Variants in SLC68A1 observed in about 807,000 individuals in gnomAD.
The protein encoded by SLC68A1 is solute carrier family 68 member 1.
At chr10:102,473,403 A>G in the SLC68A1 span, among the ~76,000 whole-genome samples, 1 of 152,120 alleles carries the variant, frequency 6.6e-6, no homozygotes, top group Non-Finnish European at 1.5e-5. Context: ...GGATGATAAT[A>G]GTACTCACCT....
the SLC68A1 span, among the ~76,000 whole-genome samples, chr10:102,466,872 C>T: frequency 6.6e-6 from 1 of 152,186 alleles, no homozygotes; most frequent in Non-Finnish European, 1.5e-5. Context: ...GTGACAGAGG[C>T]GGACATTGTG....
the SLC68A1 span, among the ~76,000 whole-genome samples, chr10:102,472,437 T>C: frequency 2.6e-5 from 4 of 152,150 alleles, no homozygotes; most frequent in Non-Finnish European, 4.4e-5. Flanking sequence ...TAAGTTTTTA[T>C]ATTTTTAGTA....
the SLC68A1 span, chr10:102,468,775 T>A: frequency 5.2e-6 from 2 of 381,280 alleles, no homozygotes; most frequent in Non-Finnish European, 9.6e-6. Context: ...CTCGAGTCAC[T>A]CCCAGATTAG....
At chr10:102,475,705 G>T in the SLC68A1 span, 1 of 1,567,248 alleles carries the variant, frequency 6.4e-7, no homozygotes, top group Non-Finnish European at 8.7e-7. Flanking sequence ...TGGTCTTTCT[G>T]TGCTCTCTTG....
chr10:102,476,842 T>C, the SLC68A1 span: 1 of 985,598 alleles, frequency 1.0e-6, no homozygotes, highest in Non-Finnish European at 1.2e-6. Context: ...ACTGCTCCCT[T>C]TTGCCCAGTC....
the SLC68A1 span, among the ~76,000 whole-genome samples, chr10:102,470,385 C>T: frequency 2.0e-5 from 3 of 152,098 alleles, no homozygotes; most frequent in Non-Finnish European, 2.9e-5. Context: ...TGCTTGAGCC[C>T]GTCATCACCC....
chr10:102,476,075 GTTTTT>G, the SLC68A1 span: 36 of 1,112,506 alleles, frequency 3.2e-5, no homozygotes, highest in Admixed American at 1.2e-4. Flanking sequence ...GGATTTCATA[GTTTTT>G]TTTTTTTTTT....
At chr10:102,473,819 C>A in the SLC68A1 span, 1 of 1,609,192 alleles carries the variant, frequency 6.2e-7, no homozygotes, top group African/African-American at 1.3e-5. Context: ...TCTACTGCAG[C>A]AACCGCGTCT....
At chr10:102,474,939 C>T in the SLC68A1 span, among the ~76,000 whole-genome samples, 3 of 151,864 alleles carry the variant, frequency 2.0e-5, no homozygotes, top group Admixed American at 6.6e-5. Context: ...TGAGCCACCA[C>T]GCCCGGCCAG....
chr10:102,476,967 G>A, the SLC68A1 span: 1 of 985,966 alleles, frequency 1.0e-6, no homozygotes, highest in Non-Finnish European at 1.2e-6. Flanking sequence ...CTGCTGCAGG[G>A]CTCCCCCACC....
At chr10:102,463,724 T>A in the SLC68A1 span, among the ~76,000 whole-genome samples, 6 of 152,186 alleles carry the variant, frequency 3.9e-5, no homozygotes, top group African/African-American at 1.4e-4. Context: ...GGGCCTGTTA[T>A]TTAATCTTCA....
chr10:102,469,297 A>T, the SLC68A1 span: 1 of 1,227,062 alleles, frequency 8.1e-7, no homozygotes, highest in Non-Finnish European at 1.2e-6. Flanking sequence ...GGTCCCACCC[A>T]GTCAGAGGCC....
At chr10:102,464,582 G>C in the SLC68A1 span, among the ~76,000 whole-genome samples, 1 of 151,766 alleles carries the variant, frequency 6.6e-6, no homozygotes, top group Admixed American at 6.6e-5. Context: ...ACAAGGTCAG[G>C]AGTTCAAGAC....
the SLC68A1 span, chr10:102,469,708 G>A: frequency 2.5e-5 from 7 of 284,908 alleles, no homozygotes; most frequent in African/African-American, 6.8e-5. Context: ...CACCACGCCC[G>A]GCTAATTTTT....
chr10:102,476,872 T>A, the SLC68A1 span: 1 of 985,552 alleles, frequency 1.0e-6, no homozygotes, highest in Non-Finnish European at 1.2e-6. Flanking sequence ...TGACTGTAAG[T>A]CCCACCTCCC....
chr10:102,467,994 G>A, the SLC68A1 span, among the ~76,000 whole-genome samples: 1 of 151,352 alleles, frequency 6.6e-6, no homozygotes. Flanking sequence ...ATGGGGGTGT[G>A]GTGGGCCGGG....
At chr10:102,462,484 A>T in the SLC68A1 span, among the ~76,000 whole-genome samples, 1 of 152,116 alleles carries the variant, frequency 6.6e-6, no homozygotes, top group African/African-American at 2.4e-5. Context: ...CTCTCACTCC[A>T]GGGGCCCAGT....
chr10:102,474,755 C>T, the SLC68A1 span, among the ~76,000 whole-genome samples: 7 of 152,126 alleles, frequency 4.6e-5, no homozygotes, highest in Non-Finnish European at 1.0e-4. Context: ...TCAAGTGAGC[C>T]TGCCACCTAG....
At chr10:102,462,463 C>T in the SLC68A1 span, among the ~76,000 whole-genome samples, 1 of 152,164 alleles carries the variant, frequency 6.6e-6, no homozygotes, top group Admixed American at 6.5e-5. Flanking sequence ...GTCTCTTGTA[C>T]AGTCTGATAC....
Sources: gnomAD v4.1 joint callset for allele counts (sites outside exome capture counted in the v4.1 genomes callset) on GRCh38, gnomAD v4.1.1 for gene constraint, MANE v1.5 for transcripts, NCBI Gene and HGNC (gene_info 2026-07-23, HGNC 2026-07-21) for gene names.